DPP6: variants seen among roughly 807,000 people sequenced by gnomAD.
DPP6 encodes the protein dipeptidyl peptidase like 6.
DPP6 carries 69 observed loss-of-function variants against 122.6 expected under a neutral mutation model. The observed-to-expected ratio is 0.56, with a 90% CI of 0.46 to 0.69. The LOEUF is 0.69. Ranked by LOEUF, DPP6 falls within the 30% of genes least tolerant of loss-of-function variation. The pLI is 0.00. For missense variants in DPP6, 928 were observed against 1,116.9 expected, an observed-to-expected ratio of 0.83 and a Z score of 2.41; for synonymous variants, 418 against 433.1, an observed-to-expected ratio of 0.97 and a Z score of 0.43.
At chr7:154,216,865 C>A (rs568713341) in intron 1 of DPP6, among the ~76,000 whole-genome samples, 1 of 138,422 alleles carries the variant, frequency 7.2e-6, no homozygotes, top group African/African-American at 2.8e-5. Flanking sequence ...TTATAAACCT[C>A]ATATATATGT....
chr7:154,819,213 AAGAC>A (rs1457124517), intron 16 of DPP6, among the ~76,000 whole-genome samples: 3 of 152,202 alleles, frequency 2.0e-5, no homozygotes, highest in African/African-American at 7.2e-5. Context: ...TCAGGAATTC[AAGAC>A]CAGCCTGGCC....
At chr7:154,754,076 T>C (rs1843538133) in intron 8 of DPP6, among the ~76,000 whole-genome samples, 1 of 152,220 alleles carries the variant, frequency 6.6e-6, no homozygotes, top group African/African-American at 2.4e-5. Context: ...TGATCCACAT[T>C]GTTTTTGATA....
chr7:154,864,302 C>T (rs907325496), intron 17 of DPP6, among the ~76,000 whole-genome samples: 41 of 152,182 alleles, frequency 2.7e-4, no homozygotes, highest in Admixed American at 2.2e-3. Context: ...TCCCCTGAAC[C>T]TGCCGGGCCA....
At chr7:153,791,420 C>CTTTTTTTTT in the DPP6 span, among the ~76,000 whole-genome samples, 59 of 24,204 alleles carry the variant, frequency 2.4e-3, 1 homozygote, top group African/African-American at 6.3e-3. Context: ...TCCTTCCTTC[C>CTTTTTTTTT]TTTCTTTTTT....
intron 3 of DPP6, among the ~76,000 whole-genome samples, chr7:154,513,439 CT>C (rs56098277): frequency 0.077 from 11,718 of 152,136 alleles, 492 homozygotes; most frequent in Middle Eastern, 0.092. Context: ...CCCAATTAAT[CT>C]TTTATTGGTG....
chr7:154,520,642 C>T (rs1487290298), intron 3 of DPP6, among the ~76,000 whole-genome samples: 1 of 152,340 alleles, frequency 6.6e-6, no homozygotes, highest in East Asian at 1.9e-4. Flanking sequence ...CTCAGGGATG[C>T]ATAGATAAGG....
intron 1 of DPP6, among the ~76,000 whole-genome samples, chr7:154,190,550 A>AT (rs770283463): frequency 7.2e-5 from 11 of 152,060 alleles, no homozygotes; most frequent in Non-Finnish European, 1.0e-4. Context: ...ATATTATGTA[A>AT]TTTTTTTCTG....
intron 16 of DPP6, among the ~76,000 whole-genome samples, chr7:154,810,882 T>C (rs1799017305): frequency 6.6e-6 from 1 of 152,194 alleles, no homozygotes; most frequent in Admixed American, 6.5e-5. Flanking sequence ...ATCCCTATAA[T>C]AATCAAACAG....
intron 1 of DPP6, among the ~76,000 whole-genome samples, chr7:154,023,785 C>T (rs1798836534): frequency 6.6e-6 from 1 of 152,114 alleles, no homozygotes; most frequent in Non-Finnish European, 1.5e-5. Flanking sequence ...TCTGGTCTGC[C>T]TTTAGATATT....
At chr7:154,540,999 T>A (rs1184947518) in intron 4 of DPP6, among the ~76,000 whole-genome samples, 1 of 152,222 alleles carries the variant, frequency 6.6e-6, no homozygotes, top group Non-Finnish European at 1.5e-5. Flanking sequence ...TCCGCATGCA[T>A]AGGAAGTATT....
chr7:153,861,759 T>C, the DPP6 span, among the ~76,000 whole-genome samples: 1 of 152,198 alleles, frequency 6.6e-6, no homozygotes. Context: ...AATGAGACAC[T>C]GTGGCAACGG....
exon 1 of DPP6, chr7:153,887,362 AG>A (rs1267381945): frequency 4.4e-6 from 1 of 226,184 alleles, no homozygotes; most frequent in Non-Finnish European, 8.8e-6. Flanking sequence ...CGCCCTCGCT[AG>A]CTGGGCTCGC....
chr7:153,860,279 G>A, the DPP6 span, among the ~76,000 whole-genome samples: 53 of 152,226 alleles, frequency 3.5e-4, no homozygotes, highest in Admixed American at 4.6e-4. Context: ...GCTGCAGGGG[G>A]TACAAGGCCC....
intron 22 of DPP6, among the ~76,000 whole-genome samples, chr7:154,886,976 T>C (rs1001547101): frequency 6.6e-6 from 1 of 152,278 alleles, no homozygotes; most frequent in Non-Finnish European, 1.5e-5. Context: ...CACCTTCAAA[T>C]TGAGTGAGAC....
the DPP6 span, among the ~76,000 whole-genome samples, chr7:153,795,535 CTTCT>C: frequency 1.3e-5 from 2 of 152,044 alleles, no homozygotes; most frequent in Non-Finnish European, 2.9e-5. Context: ...TTTTATGGAT[CTTCT>C]CAAAGAACTA....
At chr7:154,531,406 C>A in intron 3 of DPP6, among the ~76,000 whole-genome samples, 1 of 152,126 alleles carries the variant, frequency 6.6e-6, no homozygotes, top group African/African-American at 2.4e-5. Context: ...AAACAAAAAA[C>A]CCTATAAACT....
chr7:153,984,907 G>A (rs1317107462), intron 1 of DPP6, among the ~76,000 whole-genome samples: 2 of 152,178 alleles, frequency 1.3e-5, no homozygotes, highest in Admixed American at 6.5e-5. Context: ...CAGTGTCTAG[G>A]AGGAAAGAAT....
the DPP6 span, among the ~76,000 whole-genome samples, chr7:153,760,697 C>T: frequency 6.6e-6 from 1 of 151,828 alleles, no homozygotes; most frequent in Non-Finnish European, 1.5e-5. Flanking sequence ...GGCCCTTTTG[C>T]GTATTCTATG....
intron 1 of DPP6, among the ~76,000 whole-genome samples, chr7:154,192,950 T>G (rs1798686044): frequency 6.6e-6 from 1 of 152,214 alleles, no homozygotes; most frequent in African/African-American, 2.4e-5. Context: ...TTTGAAATAG[T>G]AAACATGGAA....
Sources: allele counts gnomAD v4.1 joint callset (sites outside exome capture counted in the v4.1 genomes callset), GRCh38; gene constraint gnomAD v4.1.1; transcripts MANE v1.5; gene names NCBI Gene and HGNC (gene_info 2026-07-23, HGNC 2026-07-21).